The following CREB5 variants were observed in gnomAD, a reference collection of about 807,000 sequenced individuals.
CREB5 encodes cAMP responsive element binding protein 5, also known as cyclic AMP-responsive element-binding protein 5.
Under a neutral mutation model 57.1 loss-of-function variants are expected in CREB5, and 19 were observed. That is an observed-to-expected ratio of 0.33 (90% confidence interval 0.23 to 0.49). The LOEUF is 0.49. Among genes scored for constraint, CREB5 ranks in the 20% least tolerant of loss-of-function variants. The pLI, the probability that CREB5 is intolerant of heterozygous loss-of-function variation, is 0.99. For synonymous variants in CREB5, 238 were observed against 238.3 expected (o/e 1.00, Z 0.01); for missense variants, 579 against 671.6 (o/e 0.86, Z 1.52).
At chr7:28,302,017 G>A (rs976830547) in intron 1 of CREB5, among the ~76,000 whole-genome samples, 15 of 152,112 alleles carry the variant, frequency 9.9e-5, no homozygotes, top group African/African-American at 3.6e-4. Context: ...ATAAGCAATT[G>A]GGTTGGAAAT....
intron 1 of CREB5, among the ~76,000 whole-genome samples, chr7:28,371,769 C>A (rs1053995041): frequency 3.9e-5 from 6 of 152,178 alleles, no homozygotes; most frequent in African/African-American, 1.4e-4. Context: ...TTCTAAGACG[C>A]CGTTGCTTAT....
At chr7:28,613,209 C>T (rs551799037) in intron 5 of CREB5, among the ~76,000 whole-genome samples, 1 of 152,184 alleles carries the variant, frequency 6.6e-6, no homozygotes, top group Non-Finnish European at 1.5e-5. Context: ...GGCCAAACAA[C>T]TAAAAATATA....
intron 5 of CREB5, among the ~76,000 whole-genome samples, chr7:28,680,895 C>G (rs897123312): frequency 3.3e-5 from 5 of 152,122 alleles, no homozygotes; most frequent in Admixed American, 6.5e-5. Context: ...TGATAAAGTC[C>G]TGGTGGCAGT....
intron 5 of CREB5, among the ~76,000 whole-genome samples, chr7:28,618,849 C>T (rs551130892): frequency 1.3e-5 from 2 of 152,330 alleles, no homozygotes; most frequent in South Asian, 2.1e-4. Context: ...GAATAAATTA[C>T]TTGCAATAGG....
In CREB5 at chr7:28,571,660, C is replaced by T. The variant is rs1035275514; in HGVS notation, c.464+1123C>T. ...ATGTGCCAAGTGTGGTCTGAGGATCCGCAGCGTGGGCATTTCCAGGGAGCT... is the reference window on the plus strand; with the variant it reads ...ATGTGCCAAGTGTGGTCTGAGGATCTGCAGCGTGGGCATTTCCAGGGAGCT... On this transcript the variant is annotated intron_variant, in intron 5 of 10. Coordinates refer to ENST00000357727, the MANE Select transcript of CREB5 (RefSeq NM_182898.4). Among the ~76,000 whole-genome samples, 8 of 152,268 alleles carry T rather than the reference C, an allele frequency of 5.3e-5. No individual in the cohort carries two copies. The South Asian group carries it at 1.5e-3, about 28-fold the overall frequency.
intron 4 of CREB5, among the ~76,000 whole-genome samples, chr7:28,531,373 TG>T (rs780896972): frequency 2.6e-5 from 4 of 152,176 alleles, no homozygotes; most frequent in Non-Finnish European, 5.9e-5. Flanking sequence ...TCGAGTGTTT[TG>T]CTGGCCATCT....
chr7:28,763,954 C>T (rs1396742194), intron 7 of CREB5, among the ~76,000 whole-genome samples: 1 of 151,996 alleles, frequency 6.6e-6, no homozygotes, highest in East Asian at 1.9e-4. Flanking sequence ...TGTGCACCAC[C>T]ATGCCCAGCT....
chr7:28,540,349 TG>T (rs1794157049), intron 4 of CREB5, among the ~76,000 whole-genome samples: 1 of 152,200 alleles, frequency 6.6e-6, no homozygotes, highest in South Asian at 2.1e-4. Context: ...TGTGGGTGAA[TG>T]AGTTTATTAG....
At chr7:28,690,928 C>T (rs1388502123) in intron 5 of CREB5, among the ~76,000 whole-genome samples, 2 of 152,118 alleles carry the variant, frequency 1.3e-5, no homozygotes, top group African/African-American at 2.4e-5. Context: ...AAAGACCATT[C>T]TGACTAAAGT....
chr7:28,804,728 AT>A (rs1808608111), intron 8 of CREB5, among the ~76,000 whole-genome samples: 1 of 152,176 alleles, frequency 6.6e-6, no homozygotes. Context: ...ACACTAAAAA[AT>A]ATCAGGTCTA....
chr7:28,800,559 C>T (rs1350436619), intron 7 of CREB5, among the ~76,000 whole-genome samples: 1 of 152,184 alleles, frequency 6.6e-6, no homozygotes, highest in Non-Finnish European at 1.5e-5. Context: ...CTTATCATGT[C>T]TGTGTTTTGG....
intron 5 of CREB5, among the ~76,000 whole-genome samples, chr7:28,616,843 G>A (rs1463906657): frequency 6.6e-6 from 1 of 152,146 alleles, no homozygotes; most frequent in African/African-American, 2.4e-5. Flanking sequence ...CAGATACCAA[G>A]TGTTATTTCT....
chr7:28,465,930 G>A (rs1220305063), intron 1 of CREB5, among the ~76,000 whole-genome samples: 1 of 152,088 alleles, frequency 6.6e-6, no homozygotes, highest in African/African-American at 2.4e-5. Flanking sequence ...TATTTCTCTT[G>A]CCTCTCTGCA....
intron 1 of CREB5, among the ~76,000 whole-genome samples, chr7:28,439,475 A>G (rs1448801009): frequency 6.6e-6 from 1 of 152,162 alleles, no homozygotes; most frequent in Non-Finnish European, 1.5e-5. Flanking sequence ...TATAATAGCC[A>G]GTTAAGACAA....
In CREB5 at chr7:28,819,260, A is replaced by T; in HGVS notation, c.1508A>T (p.Asp503Val). Residue 503 changes from aspartate (D) to valine (V), a missense_variant, in exon 11 of 11, where the codon GAC (aspartate) becomes GTC (valine). By Grantham distance (152) the Asp-to-Val change is radical. Transcript: ENST00000357727. ...AGCCAGCTCACCACTCACAGAACAG[A>T]CCTGAATCCGATTCTTTAAAATGCA... ...TLSQLTTHRT[D>V]LNPIL The T allele has an allele frequency of 6.2e-7, 1 of 1,613,322 alleles. No homozygotes were observed. Among genetic ancestry groups the T allele is most frequent in the East Asian group, 2.2e-5 (1 of 44,860 alleles).
At chr7:28,368,668 A>T (rs1786637715) in intron 1 of CREB5, among the ~76,000 whole-genome samples, 1 of 152,214 alleles carries the variant, frequency 6.6e-6, no homozygotes, top group African/African-American at 2.4e-5. Flanking sequence ...ACCTCAGCTC[A>T]CATAACATCC....
chr7:28,785,190 C>G (rs771679637), intron 7 of CREB5, among the ~76,000 whole-genome samples: 1 of 152,190 alleles, frequency 6.6e-6, no homozygotes, highest in South Asian at 2.1e-4. Context: ...TGTCAACTCA[C>G]TCTGTGGTGT....
chr7:28,393,504 A>G (rs1448606363), intron 1 of CREB5, among the ~76,000 whole-genome samples: 2 of 152,092 alleles, frequency 1.3e-5, no homozygotes, highest in African/African-American at 2.4e-5. Context: ...CTATGTTCTC[A>G]CCTAGTCTTA....
intron 4 of CREB5, among the ~76,000 whole-genome samples, chr7:28,512,481 A>G (rs1435004965): frequency 2.6e-5 from 4 of 152,228 alleles, no homozygotes; most frequent in African/African-American, 9.6e-5. Flanking sequence ...GACAACTGGC[A>G]TGTTGATTTT....
Sources: gnomAD v4.1 joint callset for allele counts (sites outside exome capture counted in the v4.1 genomes callset) on GRCh38, gnomAD v4.1.1 for gene constraint, MANE v1.5 for transcripts, NCBI Gene and HGNC (gene_info 2026-07-23, HGNC 2026-07-21) for gene names.